Variants in TSHR observed in about 807,000 individuals in gnomAD.
The protein encoded by TSHR is thyrotropin receptor.
TSHR carries 51 observed loss-of-function variants against 64.1 expected under a neutral mutation model. The ratio of observed to expected loss-of-function variants is 0.80; its 90% confidence interval spans 0.64 to 1.01. The LOEUF (loss-of-function observed/expected upper bound fraction) is 1.01. TSHR is among the 50% of genes least tolerant of loss of function. TSHR has a pLI of 0.00. For missense variants in TSHR, 877 were observed against 942.8 expected, an observed-to-expected ratio of 0.93 and a Z score of 0.91; for synonymous variants, 361 against 361.9, an observed-to-expected ratio of 1.00 and a Z score of 0.03.
rs369257214 is a variant in TSHR at position 80,976,872 on chromosome 14, C to T, written c.170+21022C>T. 1.4e-4 allele frequency among the ~76,000 whole-genome samples: 21 copies of T among 152,324 alleles called. No homozygotes were observed. The East Asian group carries it at 2.5e-3, about 18-fold the overall frequency. ...TCTCTCCTGCTTCTGCCCAATGGTT[C>T]CCAGACCAATATATTCTTCCTAATT... On this transcript the variant is annotated intron_variant, in intron 1 of 9. Coordinates refer to ENST00000298171, the MANE Select transcript of TSHR (RefSeq NM_000369.5).
intron 8 of TSHR, among the ~76,000 whole-genome samples, chr14:81,128,903 C>A (rs1252458627): frequency 3.3e-5 from 5 of 152,202 alleles, no homozygotes; most frequent in Non-Finnish European, 7.3e-5. Flanking sequence ...TTATTACCAT[C>A]TGACATTCTA....
chr14:80,996,522 G>C (rs1889030423), intron 1 of TSHR, among the ~76,000 whole-genome samples: 1 of 152,126 alleles, frequency 6.6e-6, no homozygotes, highest in African/African-American at 2.4e-5. Flanking sequence ...GAGACACACT[G>C]GTTTCATCTC....
At chr14:80,983,075 T>C in intron 1 of TSHR, 1 of 580,668 alleles carries the variant, frequency 1.7e-6, no homozygotes. Context: ...ATTAATGAAA[T>C]GGTATAATGA....
intron 1 of TSHR, chr14:80,957,716 A>G (rs1239476408): frequency 2.0e-5 from 3 of 152,232 alleles, no homozygotes; most frequent in Non-Finnish European, 4.4e-5. Context: ...ATGGAACAGG[A>G]GTCAGGAAAC....
At chr14:81,046,855 T>G (rs913616859) in intron 1 of TSHR, among the ~76,000 whole-genome samples, 1 of 152,062 alleles carries the variant, frequency 6.6e-6, no homozygotes, top group African/African-American at 2.4e-5. Context: ...GAATGAAGGT[T>G]AAAAGGGAAA....
intron 3 of TSHR, 107 bp from the exon 4 acceptor site, chr14:81,087,847 C>T (rs1595084306): frequency 1.1e-6 from 1 of 912,210 alleles, no homozygotes; most frequent in Admixed American, 1.7e-5. Context: ...GGCGTAAATG[C>T]ATATTTTTCT....
intron 1 of TSHR, among the ~76,000 whole-genome samples, chr14:80,997,326 G>C (rs1325761603): frequency 6.6e-6 from 1 of 152,182 alleles, no homozygotes; most frequent in Non-Finnish European, 1.5e-5. Context: ...ATAATTCTGT[G>C]AGCTAAACAC....
chr14:81,126,566 G>T (rs1223627424), intron 8 of TSHR, among the ~76,000 whole-genome samples: 8 of 152,132 alleles, frequency 5.3e-5, no homozygotes, highest in African/African-American at 1.9e-4. Flanking sequence ...TTAAGTAAGG[G>T]CTTTTTACCT....
Position 81,143,502 on chromosome 14 carries a change from TACA to T in TSHR, c.1447_1449del (p.Asn483del). 6.2e-7 allele frequency: 1 copy of T among 1,614,024 alleles called. No individual in the cohort carries two copies. Among genetic ancestry groups the T allele is most frequent in the Non-Finnish European group, 8.5e-7 (1 of 1,180,038 alleles). On this transcript the variant is annotated inframe_deletion, in exon 10 of 10. Coordinates refer to ENST00000298171, the MANE Select transcript of TSHR (RefSeq NM_000369.5). ...AGACCTCTACACTCACTCTGAGTAC[TACA>T]ACCATGCCATCGACTGGCAGACAGG...
chr14:80,971,701 G>A (rs1023883180), intron 1 of TSHR, among the ~76,000 whole-genome samples: 7 of 152,166 alleles, frequency 4.6e-5, no homozygotes, highest in African/African-American at 1.4e-4. Context: ...CTTTCAAGTT[G>A]ACACTAATAT....
intron 1 of TSHR, among the ~76,000 whole-genome samples, chr14:80,987,374 C>CGGT (rs1888512596): frequency 1.3e-5 from 2 of 152,176 alleles, no homozygotes; most frequent in South Asian, 4.1e-4. Flanking sequence ...GATTACTTCC[C>CGGT]GGTGACTCCC....
chr14:80,972,224 A>G (rs1184944678), intron 1 of TSHR, among the ~76,000 whole-genome samples: 1 of 152,188 alleles, frequency 6.6e-6, no homozygotes, highest in Non-Finnish European at 1.5e-5. Flanking sequence ...TTTAGCTATA[A>G]CATAAATTCC....
Position 81,115,401 on chromosome 14 carries a change from G to A in TSHR, c.692+6949G>A, listed in dbSNP as rs1472404711. Among the ~76,000 whole-genome samples the A allele has an allele frequency of 6.9e-5, 10 of 144,404 alleles. No homozygotes were observed. In the East Asian group the frequency reaches 9.1e-4, roughly 13 times the overall value. The allele number at this position is 144,404 out of a possible 152,430, so 94.7% of individuals were successfully genotyped here. ...GAAGAATGCAGAAGCCTCAGGAGCC[G>A]ATGTGATCAACTGGAAGAAAGGGTA... On this transcript the variant is annotated intron_variant, in intron 8 of 9. Coordinates refer to ENST00000298171, the MANE Select transcript of TSHR (RefSeq NM_000369.5).
chr14:81,061,721 A>G (rs1566787190), intron 1 of TSHR, among the ~76,000 whole-genome samples: 1 of 152,088 alleles, frequency 6.6e-6, no homozygotes, highest in Non-Finnish European at 1.5e-5. Flanking sequence ...TGAAATAATC[A>G]GTACAAAAAA....
At chr14:81,066,092 T>C (rs1046163159) in intron 2 of TSHR, among the ~76,000 whole-genome samples, 32 of 152,176 alleles carry the variant, frequency 2.1e-4, no homozygotes, top group Non-Finnish European at 3.5e-4. Context: ...TTCCTGCCAG[T>C]TGTCTTCACA....
intron 7 of TSHR, among the ~76,000 whole-genome samples, chr14:81,108,035 T>C (rs971817674): frequency 6.6e-6 from 1 of 152,132 alleles, no homozygotes; most frequent in South Asian, 2.1e-4. Context: ...CAAAATTTGG[T>C]ATTACAGAGG....
In TSHR at chr14:80,955,651, A is replaced by C. The variant is rs1335924576; in HGVS notation, c.-30A>C. On this transcript the variant is annotated 5_prime_UTR_variant, in exon 1 of 10. The change abolishes an upstream ATG in the 5' untranslated region. Coordinates refer to ENST00000298171, the MANE Select transcript of TSHR (RefSeq NM_000369.5). The stretch of plus-strand genomic sequence containing the variant: ...GCTGAGAATGAGGCGATTTCGGAGG[A>C]TGGAGAAATAGCCCCGAGTCCCGTG... 2 of 1,612,806 alleles carry C rather than the reference A, an allele frequency of 1.2e-6. No homozygotes were observed. Among genetic ancestry groups the C allele is most frequent in the South Asian group, 2.2e-5 (2 of 91,004 alleles).
chr14:81,134,223 C>T (rs950513307), intron 8 of TSHR, among the ~76,000 whole-genome samples: 16 of 152,120 alleles, frequency 1.1e-4, no homozygotes, highest in Non-Finnish European at 1.5e-5. Context: ...ACGACCTCCA[C>T]TTCCCGGGTT....
At chr14:81,037,408 C>A (rs12323890) in intron 1 of TSHR, among the ~76,000 whole-genome samples, 16,733 of 120,622 alleles carry the variant, frequency 0.14, 1,467 homozygotes, top group South Asian at 0.21. Context: ...GAAAAAGGAA[C>A]AAAGGAAATA....
Sources: allele counts gnomAD v4.1 joint callset (sites outside exome capture counted in the v4.1 genomes callset), GRCh38; gene constraint gnomAD v4.1.1; transcripts MANE v1.5; gene names NCBI Gene and HGNC (gene_info 2026-07-23, HGNC 2026-07-21).